Variants in RPH3A observed in about 807,000 individuals in gnomAD.
The protein encoded by RPH3A is rabphilin-3A.
A neutral mutation model predicts 102.2 loss-of-function variants in RPH3A; 48 were observed. The observed-to-expected ratio is 0.47, with a 90% CI of 0.37 to 0.60. The LOEUF (loss-of-function observed/expected upper bound fraction) is 0.60, where lower values mean the gene tolerates loss of function less well. Among genes scored for constraint, RPH3A ranks in the 20% least tolerant of loss-of-function variants. RPH3A has a pLI of 0.00. For missense variants in RPH3A, 781 were observed against 910.1 expected (o/e 0.86, Z 1.83); for synonymous variants, 310 against 324.3 (o/e 0.96, Z 0.47).
chr12:112,677,387 C>T (rs1306426060), intron 1 of RPH3A, among the ~76,000 whole-genome samples: 4 of 64,024 alleles, frequency 6.2e-5, no homozygotes, highest in Non-Finnish European at 9.7e-5. Context: ...TCCTCCCTCC[C>T]TCCCTCCCTC....
At chr12:112,871,693 T>A (rs2042711151) in intron 10 of RPH3A, among the ~76,000 whole-genome samples, 1 of 150,268 alleles carries the variant, frequency 6.7e-6, no homozygotes, top group Non-Finnish European at 1.5e-5. Context: ...TATTGTGTAT[T>A]TATATAGTGT....
chr12:112,847,639 A>G, intron 4 of RPH3A, 57 bp from the exon 5 acceptor site: 2 of 1,570,350 alleles, frequency 1.3e-6, no homozygotes, highest in Non-Finnish European at 1.7e-6. Flanking sequence ...GTTTCCCGGC[A>G]GGAATTTGAA....
chr12:112,716,640 A>G (rs1379726738), intron 1 of RPH3A, among the ~76,000 whole-genome samples: 1 of 152,168 alleles, frequency 6.6e-6, no homozygotes, highest in Non-Finnish European at 1.5e-5. Context: ...CCCGTGTCTC[A>G]TTGGCCACAC....
intron 1 of RPH3A, among the ~76,000 whole-genome samples, chr12:112,669,513 A>C (rs961007851): frequency 6.6e-6 from 1 of 152,252 alleles, no homozygotes; most frequent in Non-Finnish European, 1.5e-5. Flanking sequence ...CAAAGATAAT[A>C]CACATTTTCA....
At chr12:112,587,133 G>A (rs962403098) in intron 1 of RPH3A, among the ~76,000 whole-genome samples, 1 of 152,176 alleles carries the variant, frequency 6.6e-6, no homozygotes. Flanking sequence ...TCTCCACTGA[G>A]TTTGATTTAA....
At chr12:112,721,639 A>AT (rs61408179) in intron 1 of RPH3A, among the ~76,000 whole-genome samples, 28,152 of 144,508 alleles carry the variant, frequency 0.19, 2,836 homozygotes, top group African/African-American at 0.25. Context: ...TAGAAAATGG[A>AT]TTTTTTTTTT....
At chr12:112,829,084 T>C (rs529140677) in intron 3 of RPH3A, among the ~76,000 whole-genome samples, 1 of 152,310 alleles carries the variant, frequency 6.6e-6, no homozygotes, top group South Asian at 2.1e-4. Context: ...CCCAGTTGGT[T>C]TTCCTGGAAC....
chr12:112,592,663 T>A (rs1167313217), intron 1 of RPH3A, among the ~76,000 whole-genome samples: 1 of 152,150 alleles, frequency 6.6e-6, no homozygotes, highest in African/African-American at 2.4e-5. Context: ...CTGTGGTTGG[T>A]TGAATCCGTG....
At chr12:112,661,539 G>A (rs146954001) in intron 1 of RPH3A, among the ~76,000 whole-genome samples, 7 of 152,288 alleles carry the variant, frequency 4.6e-5, no homozygotes, top group Non-Finnish European at 8.8e-5. Context: ...AGGAAATAGC[G>A]TGTTTTATTT....
At chr12:112,713,577 C>G (rs1448879818) in intron 1 of RPH3A, among the ~76,000 whole-genome samples, 1 of 149,056 alleles carries the variant, frequency 6.7e-6, no homozygotes, top group African/African-American at 2.5e-5. Flanking sequence ...AAAAAAAAAG[C>G]AGCCTAACAA....
Position 112,883,301 on chromosome 12 carries a change from G to A in RPH3A, c.1335G>A (p.Lys445=), listed in dbSNP as rs536675679. Residue 445 remains lysine, a synonymous_variant, in exon 16 of 22, where the codon AAG becomes AAA. Coordinates refer to ENST00000389385, the MANE Select transcript of RPH3A (RefSeq NM_001143854.2). ...TCTCTCTCGGGCTCTAGTCCAACAA[G>A]CTTCGTACAAAAACTCTGCGGAATA... ...HLLPGASKSN[K]LRTKTLRNTR... is the part of the protein sequence containing the mutation. 4.2e-5 allele frequency: 68 copies of A among 1,613,994 alleles called. 1 individual carries two copies. The South Asian group carries it at 7.1e-4, about 17-fold the overall frequency.
chr12:112,849,824 C>T (rs1380713513), intron 5 of RPH3A, among the ~76,000 whole-genome samples: 3 of 152,152 alleles, frequency 2.0e-5, no homozygotes, highest in Non-Finnish European at 4.4e-5. Flanking sequence ...TATCCAGGGT[C>T]CAAATTCCCA....
intron 4 of RPH3A, among the ~76,000 whole-genome samples, chr12:112,843,750 AG>A (rs1167026339): frequency 6.6e-6 from 1 of 152,190 alleles, no homozygotes; most frequent in Non-Finnish European, 1.5e-5. Flanking sequence ...AAATAAATAA[AG>A]GGGGATCAGC....
chr12:112,581,047 C>T (rs967841006), intron 1 of RPH3A, among the ~76,000 whole-genome samples: 1 of 152,124 alleles, frequency 6.6e-6, no homozygotes, highest in Non-Finnish European at 1.5e-5. Flanking sequence ...AATTAGAAGG[C>T]AAAAATTGTT....
chr12:112,852,880 C>G (rs545900492), intron 5 of RPH3A, among the ~76,000 whole-genome samples: 1 of 152,206 alleles, frequency 6.6e-6, no homozygotes, highest in Non-Finnish European at 1.5e-5. Flanking sequence ...TGTCCAGAGC[C>G]TCTCAAAGGC....
intron 1 of RPH3A, among the ~76,000 whole-genome samples, chr12:112,766,780 G>A (rs2040892650): frequency 6.6e-6 from 1 of 152,216 alleles, no homozygotes; most frequent in Admixed American, 6.5e-5. Context: ...AAGGGGATGA[G>A]TCTGCATGGA....
chr12:112,657,460 T>C (rs2040021141), intron 1 of RPH3A, among the ~76,000 whole-genome samples: 1 of 152,200 alleles, frequency 6.6e-6, no homozygotes, highest in African/African-American at 2.4e-5. Flanking sequence ...TCAAGTATTA[T>C]GTACTGTACA....
At chr12:112,633,067 C>G (rs576871963) in intron 1 of RPH3A, among the ~76,000 whole-genome samples, 6 of 151,422 alleles carry the variant, frequency 4.0e-5, no homozygotes, top group Admixed American at 3.3e-4. Context: ...TGGCACATGT[C>G]TGTAGTCCCA....
intron 1 of RPH3A, among the ~76,000 whole-genome samples, chr12:112,756,091 A>G (rs1342063396): frequency 6.6e-6 from 1 of 152,172 alleles, no homozygotes; most frequent in Non-Finnish European, 1.5e-5. Context: ...TAACTAAAAG[A>G]GAGGATTTTG....
Sources: gnomAD v4.1 joint callset for allele counts (sites outside exome capture counted in the v4.1 genomes callset) on GRCh38, gnomAD v4.1.1 for gene constraint, MANE v1.5 for transcripts, NCBI Gene and HGNC (gene_info 2026-07-23, HGNC 2026-07-21) for gene names.